The following MUC5B variants were observed in gnomAD, a reference collection of about 807,000 sequenced individuals.
The protein encoded by MUC5B is mucin 5B, oligomeric mucus/gel-forming.
A neutral mutation model predicts 376.9 loss-of-function variants in MUC5B; 116 were observed. The ratio of observed to expected loss-of-function variants is 0.31; its 90% CI spans 0.26 to 0.36. The LOEUF (loss-of-function observed/expected upper bound fraction) is 0.36. Ranked by LOEUF, MUC5B falls within the 10% of genes least tolerant of loss-of-function variation. MUC5B has a pLI of 1.00. For synonymous variants in MUC5B, 3,517 were observed against 3,390.9 expected (o/e 1.04, Z -1.29); for missense variants, 7,165 against 7,769.9 (o/e 0.92, Z 2.93).
rs372576758 is a variant in MUC5B, at chr11:1,247,205, C to G, written c.10325C>G (p.Thr3442Ser). Reference sequence around the variant, plus strand: ...ACTCCCTCCTCTGCCCTAGGGACCACCCACACACCCCCAGTGCCGAACACC... The same window carrying G: ...ACTCCCTCCTCTGCCCTAGGGACCAGCCACACACCCCCAGTGCCGAACACC... ...TVTPSSALGT[T>S]HTPPVPNTTA... The change falls in exon 31 of 49, where the codon ACC becomes AGC. Residue 3442 changes from threonine (T) to serine (S), a missense_variant. Physicochemically the swap from Thr to Ser is moderately conservative, Grantham distance 58 (BLOSUM62 1). Transcript: ENST00000529681. 697 of 1,570,046 alleles carry G rather than the reference C, an allele frequency of 4.4e-4. 9 individuals carry two copies. Among genetic ancestry groups the G allele is most frequent in the South Asian group, 1.9e-3 (175 of 90,248 alleles).
intron 24 of MUC5B, 74 bp from the exon 25 acceptor site, chr11:1,236,851 G>A: frequency 7.2e-7 from 1 of 1,392,448 alleles, no homozygotes; most frequent in Non-Finnish European, 9.3e-7. Flanking sequence ...GGAGCCCAGG[G>A]TGGGCTCTGT....
chr11:1,233,952 C>G, intron 19 of MUC5B, 104 bp downstream of exon 19: 2 of 1,218,074 alleles, frequency 1.6e-6, no homozygotes, highest in South Asian at 2.7e-5. Context: ...TGAACCCTGC[C>G]GGGCCAGGTC....
At position 1,255,552 on chromosome 11, in the gene MUC5B, C is replaced by G. The variant is rs1256228012; in HGVS notation, c.16060C>G (p.Leu5354Val). 1 of 1,529,356 alleles carries G rather than the reference C, an allele frequency of 6.5e-7. No homozygotes were observed. The highest frequency in any genetic ancestry group is 1.2e-5 in the South Asian group (1 of 83,424). The allele number at this position is 1,529,356 out of a possible 1,614,324, so 94.7% of individuals were successfully genotyped here. A position where few individuals can be genotyped will look rare whatever the true frequency, so the allele number is the denominator to read the frequency against. Residue 5354 changes from leucine (L) to valine (V), a missense_variant, in exon 37 of 49, where the codon CTG becomes GTG. Leu to Val is a conservative substitution (Grantham distance 32). Around this residue, in one of 31 missense-constraint regions of MUC5B, gnomAD observed 842 missense variants for 1,016.9 expected, o/e 0.83. Transcript: ENST00000529681. The part of the protein sequence containing the change: ...CSDWRGATGG[L>V]CDLTCPPTKV... ...TGACTGGCGAGGTGCAACCGGTGGC[C>G]TGTGCGGTGAGTGGGGGCGGCCCCG...
In MUC5B at chr11:1,244,678, C is replaced by T; in HGVS notation, c.7798C>T (p.Pro2600Ser). Residue 2600 changes from proline to serine, a missense_variant, in exon 31 of 49, where the codon CCA becomes TCA. Physicochemically the swap from Pro to Ser is moderately conservative, Grantham distance 74 (BLOSUM62 -1). Coordinates refer to ENST00000529681, the MANE Select transcript of MUC5B (RefSeq NM_002458.3). ...CTCTGTGGCCACCCCCTCCTCCACC[C>T]CAGGAACAGCTCACACTACCAAAGT... ...TGSVATPSST[P>S]GTAHTTKVLT... 1 of 1,612,022 alleles carries T rather than the reference C, an allele frequency of 6.2e-7. No homozygotes were observed. Among genetic ancestry groups the T allele is most frequent in the Non-Finnish European group, 8.5e-7 (1 of 1,178,312 alleles).
chr11:1,237,186 G>A, intron 25 of MUC5B, 22 bp downstream of exon 25: 1 of 1,400,456 alleles, frequency 7.1e-7, no homozygotes, highest in Non-Finnish European at 9.3e-7. Flanking sequence ...GTCTTGGCAG[G>A]CAGGGTCTGG....
intron 14 of MUC5B, 36 bp from the exon 15 acceptor site, chr11:1,231,960 C>T (rs369354104): frequency 3.7e-6 from 6 of 1,611,294 alleles, no homozygotes; most frequent in Admixed American, 3.3e-5. Context: ...GTGGGCCCAA[C>T]AGTGGCCGCT....
rs1409300438 is a variant in MUC5B at position 1,231,361 on chromosome 11, C to T, written c.1541-62C>T. ...GCCCGGCCCACTGGATGCCCTGCCC[C>T]TCCAATCTAGCCAGATCTGTCCCTG... is the stretch of plus-strand genomic sequence containing the variant. On this transcript the variant is annotated intron_variant, in intron 13 of 48. Transcript: ENST00000529681. 10 of 1,532,176 alleles carry T rather than the reference C, an allele frequency of 6.5e-6. No individual in the cohort carries two copies. The African/African-American group carries it at 9.6e-5, about 15-fold the overall frequency. 94.9% of individuals were successfully genotyped at this position (1,532,176 alleles called of 1,614,324 possible).
intron 45 of MUC5B, 28 bp downstream of exon 45, chr11:1,259,870 T>C (rs1343402946): frequency 1.2e-6 from 2 of 1,611,988 alleles, no homozygotes; most frequent in Non-Finnish European, 1.7e-6. Context: ...TGGGGGCAGG[T>C]CTCAGCTCCC....
At position 1,250,929 on chromosome 11, in the gene MUC5B, G is replaced by A. The variant is rs760789184; in HGVS notation, c.14049G>A (p.Thr4683=). 2.4e-5 allele frequency: 38 copies of A among 1,600,332 alleles called. No homozygotes were observed. In the African/African-American group the frequency reaches 3.1e-4, roughly 13 times the overall value. Residue 4683 remains threonine (T), a synonymous_variant, in exon 31 of 49, where the codon ACG becomes ACA. Coordinates refer to ENST00000529681, the MANE Select transcript of MUC5B (RefSeq NM_002458.3). ...GTACTCCCCCATCACTGACCACCAC[G>A]GCCACTACGATCACGGCCACCGGCT... ...TSGTPPSLTT[T]ATTITATGST...
chr11:1,261,193 G>T (rs1862987268), intron 48 of MUC5B, among the ~76,000 whole-genome samples, 196 bp from the exon 49 acceptor site: 1 of 152,224 alleles, frequency 6.6e-6, no homozygotes, highest in African/African-American at 2.4e-5. Context: ...ACAGAGCCGG[G>T]AGCCAAGGGA....
At position 1,240,783 on chromosome 11, in the gene MUC5B, C is replaced by G. The variant is rs1862262561; in HGVS notation, c.3971-68C>G. The G allele has an allele frequency of 1.6e-5, 23 of 1,421,074 alleles. No homozygotes were observed. The South Asian group carries it at 3.1e-4, about 19-fold the overall frequency. The allele number at this position is 1,421,074 out of a possible 1,614,324, so 88.0% of individuals were successfully genotyped here. On this transcript the variant is annotated intron_variant, in intron 30 of 48. Transcript: ENST00000529681. ...GCCCTGGGGAAAGGGTCCTCTGGGG[C>G]CCCTCCACCTTGTGAGGCCAGGACT...
intron 48 of MUC5B, 147 bp downstream of exon 48, chr11:1,260,875 C>A: frequency 1.5e-6 from 1 of 647,604 alleles, no homozygotes; most frequent in Non-Finnish European, 2.7e-6. Flanking sequence ...AGGGCTCCCC[C>A]TCTCCACGTC....
chr11:1,257,138 G>T lies in MUC5B; in HGVS notation c.16238-102G>T, dbSNP rs898689468. 4.0e-6 allele frequency: 3 copies of T among 757,850 alleles called. No individual in the cohort carries two copies. The highest frequency in any genetic ancestry group is 7.4e-6 in the Non-Finnish European group (3 of 405,832). 46.9% of individuals were successfully genotyped at this position (757,850 alleles called of 1,614,324 possible). Reference sequence around the variant, plus strand: ...AAAGTTCTCCAGGGCCTTCCATCCCGGGGGGAAGCAGGCTCCAGGCCTGAG... The same window carrying T: ...AAAGTTCTCCAGGGCCTTCCATCCCTGGGGGAAGCAGGCTCCAGGCCTGAG... On this transcript the variant is annotated intron_variant, in intron 39 of 48. Transcript: ENST00000529681. This position sits in a 1 kb window ranked among gnomAD's most constrained non-coding sequence, Gnocchi z 8.9.
rs375399760 is a variant in MUC5B, at chr11:1,248,949, G to A, written c.12069G>A (p.Thr4023=). 4.3e-3 allele frequency: 6,805 copies of A among 1,598,888 alleles called. 243 individuals are homozygous for A. The African/African-American group carries it at 0.08, about 19-fold the overall frequency. Residue 4023 remains threonine (T), a synonymous_variant, in exon 31 of 49, where the codon ACG becomes ACA. Coordinates refer to ENST00000529681, the MANE Select transcript of MUC5B (RefSeq NM_002458.3). ...GRSLSPSSPH[T]VRTAWTSATS... is the part of the protein sequence containing the mutation. ...CCCTGTCCCCCAGCAGTCCCCACAC[G>A]GTGCGCACAGCCTGGACTTCGGCCA...
intron 38 of MUC5B, chr11:1,256,463 G>A: frequency 2.0e-6 from 1 of 505,916 alleles, no homozygotes; most frequent in Non-Finnish European, 3.5e-6. Context: ...CCGCCACCGA[G>A]CCCCACCCAT....
rs1371283077 is a variant in MUC5B, at chr11:1,257,685, C to T, written c.16425C>T (p.Asn5475=). ...FVTVTRPRAE[N]PCCPETVCVC... is the part of the protein sequence containing the mutation. ...CCGTGACCAGGCCCCGGGCCGAGAA[C>T]CCCTGCTGCCCCGAGACGGTGTGCG... Residue 5475 remains asparagine (N), a synonymous_variant, in exon 41 of 49, where the codon AAC becomes AAT. Transcript: ENST00000529681. This position sits in a 1 kb window ranked among gnomAD's most constrained non-coding sequence, Gnocchi z 8.9. 6.4e-7 allele frequency: 1 copy of T among 1,565,266 alleles called. No homozygotes were observed. The highest frequency in any genetic ancestry group is 8.6e-7 in the Non-Finnish European group (1 of 1,163,040).
rs781748277 is a variant in MUC5B at position 1,228,552 on chromosome 11, T to C, written c.775-12T>C. ...GGCAGGGGTGCCCAGCCTGGCCCAC[T>C]GTGCTCCCCAGGAGGGCATCTGCCA... On this transcript the variant is annotated splice_polypyrimidine_tract_variant and intron_variant, in intron 7 of 48. Coordinates refer to ENST00000529681, the MANE Select transcript of MUC5B (RefSeq NM_002458.3). 8 of 1,506,548 alleles carry C rather than the reference T, an allele frequency of 5.3e-6. No homozygotes were observed. The highest frequency in any genetic ancestry group is 7.1e-6 in the Non-Finnish European group (8 of 1,126,984). 93.3% of individuals were successfully genotyped at this position (1,506,548 alleles called of 1,614,324 possible).
At chr11:1,233,650 A>G in intron 18 of MUC5B, 143 bp from the exon 19 acceptor site, 1 of 789,286 alleles carries the variant, frequency 1.3e-6, no homozygotes, top group Non-Finnish European at 2.1e-6. Flanking sequence ...GCTCCCAGCA[A>G]ACACAGCAGC....
chr11:1,237,326 G>A (rs1028273106), intron 25 of MUC5B, among the ~76,000 whole-genome samples, 162 bp downstream of exon 25: 13 of 152,132 alleles, frequency 8.5e-5, no homozygotes, highest in South Asian at 4.1e-4. Context: ...CGGATCTCCC[G>A]TCAGCCCCAC....
Sources: allele counts gnomAD v4.1 joint callset (sites outside exome capture counted in the v4.1 genomes callset), GRCh38; gene constraint gnomAD v4.1.1; regional missense constraint gnomAD v4.1.1; non-coding constraint Gnocchi (gnomAD v3.1); transcripts MANE v1.5; gene names NCBI Gene and HGNC (gene_info 2026-07-23, HGNC 2026-07-21).